SLC5A11: variants seen among roughly 807,000 people sequenced by gnomAD.
SLC5A11 encodes the protein solute carrier family 5 member 11.
In SLC5A11, 48 loss-of-function variants were observed where a neutral mutation model predicts 69.8. The observed-to-expected ratio is 0.69, with a 90% CI of 0.55 to 0.87. SLC5A11 has a LOEUF of 0.87. SLC5A11 is among the 40% of genes least tolerant of loss of function. SLC5A11 has a pLI of 0.00. For synonymous variants in SLC5A11, 319 were observed against 342.4 expected (o/e 0.93, Z 0.75); for missense variants, 784 against 866.1 (o/e 0.91, Z 1.19).
intron 7 of SLC5A11, among the ~76,000 whole-genome samples, chr16:24,883,373 T>A (rs115629985): frequency 0.02 from 3,077 of 150,864 alleles, 115 homozygotes; most frequent in African/African-American, 0.07. Flanking sequence ...CTCTAAAAAA[T>A]AAATAAATAA....
chr16:24,851,696 A>G (rs1384586491), intron 1 of SLC5A11, among the ~76,000 whole-genome samples: 1 of 152,234 alleles, frequency 6.6e-6, no homozygotes, highest in Non-Finnish European at 1.5e-5. Flanking sequence ...CATACAATGA[A>G]CATGCCTACT....
At chr16:24,890,205 G>A (rs1301945095) in intron 8 of SLC5A11, among the ~76,000 whole-genome samples, 2 of 152,040 alleles carry the variant, frequency 1.3e-5, no homozygotes, top group African/African-American at 2.4e-5. Context: ...AATTATTTTT[G>A]GGAGAATTCA....
chr16:24,866,418 G>A (rs1373430994), intron 3 of SLC5A11, among the ~76,000 whole-genome samples: 1 of 151,690 alleles, frequency 6.6e-6, no homozygotes, highest in Non-Finnish European at 1.5e-5. Flanking sequence ...GGGTAACATG[G>A]TGAAACTCCA....
intron 1 of SLC5A11, among the ~76,000 whole-genome samples, chr16:24,851,202 C>T (rs2152204735): frequency 1.3e-5 from 2 of 152,048 alleles, no homozygotes; most frequent in South Asian, 4.2e-4. Context: ...GCAATCATAG[C>T]TCAATGCAGT....
intron 1 of SLC5A11, among the ~76,000 whole-genome samples, chr16:24,849,589 A>ATATAT (rs60706405): frequency 3.6e-4 from 23 of 63,760 alleles, no homozygotes; most frequent in Non-Finnish European, 5.9e-4. Context: ...AAAAAAAAAA[A>ATATAT]AAAAATATAT....
intron 1 of SLC5A11, among the ~76,000 whole-genome samples, chr16:24,851,989 CTCTCT>C (rs1596943676): frequency 4.0e-5 from 6 of 150,504 alleles, no homozygotes; most frequent in East Asian, 3.9e-4. Flanking sequence ...CTCTCTCTCT[CTCTCT>C]CCCACTCTAT....
chr16:24,860,073 G>A (rs565122050), intron 2 of SLC5A11, among the ~76,000 whole-genome samples: 1 of 152,268 alleles, frequency 6.6e-6, no homozygotes, highest in Admixed American at 6.5e-5. Context: ...ATCACTTGAG[G>A]CCAGGAGTTT....
intron 3 of SLC5A11, among the ~76,000 whole-genome samples, chr16:24,866,651 T>A (rs1427673026): frequency 1.3e-5 from 2 of 148,224 alleles, no homozygotes; most frequent in African/African-American, 4.9e-5. Flanking sequence ...CCAAACACAA[T>A]ATATTTCAAA....
At chr16:24,866,371 G>T (rs2046915571) in intron 3 of SLC5A11, among the ~76,000 whole-genome samples, 1 of 151,692 alleles carries the variant, frequency 6.6e-6, no homozygotes, top group African/African-American at 2.4e-5. Flanking sequence ...GGCCAAGATG[G>T]GTGGATCACT....
At chr16:24,892,965 A>C (rs1400309896) in intron 9 of SLC5A11, among the ~76,000 whole-genome samples, 1 of 152,010 alleles carries the variant, frequency 6.6e-6, no homozygotes, top group Non-Finnish European at 1.5e-5. Flanking sequence ...GGCTAACATC[A>C]TGGGCTTTAA....
chr16:24,906,584 C>G, intron 10 of SLC5A11, 73 bp from the exon 12 acceptor site: 1 of 875,962 alleles, frequency 1.1e-6, no homozygotes, highest in Non-Finnish European at 1.8e-6. Context: ...AGCCTGTGTC[C>G]GGCCCCATGT....
At chr16:24,909,022 A>G in exon 14 of SLC5A11, 2 of 1,614,056 alleles carry the variant, frequency 1.2e-6, no homozygotes, top group Non-Finnish European at 1.7e-6. Context: ...CTACTTCTCC[A>G]TGATCCTGTC....
chr16:24,851,022 G>A (rs1183397368), intron 1 of SLC5A11, among the ~76,000 whole-genome samples: 2 of 151,620 alleles, frequency 1.3e-5, no homozygotes, highest in African/African-American at 2.4e-5. Flanking sequence ...CGTTGGCCAG[G>A]CTGGTCTCGA....
At chr16:24,905,889 A>C (rs1415776716) in intron 10 of SLC5A11, among the ~76,000 whole-genome samples, 1 of 152,100 alleles carries the variant, frequency 6.6e-6, no homozygotes, top group Non-Finnish European at 1.5e-5. Flanking sequence ...AGGTGTATGT[A>C]CAAAGCTTAC....
chr16:24,907,855 C>T (rs1012188172), intron 12 of SLC5A11, 108 bp from the exon 14 acceptor site: 40 of 1,454,576 alleles, frequency 2.7e-5, no homozygotes, highest in African/African-American at 2.5e-4. Context: ...CACTGCACCC[C>T]GGCCTTGGCA....
chr16:24,891,354 A>C (rs1597211442), intron 9 of SLC5A11, among the ~76,000 whole-genome samples: 7 of 125,404 alleles, frequency 5.6e-5, no homozygotes, highest in African/African-American at 9.2e-5. Flanking sequence ...TCACTCTATC[A>C]CCCAGGCTGG....
chr16:24,891,053 C>T (rs1403880502), exon 9 of SLC5A11: 1 of 1,614,000 alleles, frequency 6.2e-7, no homozygotes, highest in Non-Finnish European at 8.5e-7. Flanking sequence ...TCCCATCCCT[C>T]TGGTACTGGT....
intron 8 of SLC5A11, among the ~76,000 whole-genome samples, chr16:24,890,029 A>G (rs904503865): frequency 6.6e-6 from 1 of 152,144 alleles, no homozygotes; most frequent in Non-Finnish European, 1.5e-5. Context: ...AAATCAACCC[A>G]CAAGAGGCAG....
At chr16:24,880,419 C>T (rs1257238397) in intron 7 of SLC5A11, among the ~76,000 whole-genome samples, 1 of 152,158 alleles carries the variant, frequency 6.6e-6, no homozygotes, top group African/African-American at 2.4e-5. Flanking sequence ...ACCACAACCT[C>T]CACCTCCTGG....
Sources: allele counts gnomAD v4.1 joint callset (sites outside exome capture counted in the v4.1 genomes callset), GRCh38; gene constraint gnomAD v4.1.1; transcripts MANE v1.5; gene names NCBI Gene and HGNC (gene_info 2026-07-23, HGNC 2026-07-21).